The following SLC26A7 variants were observed in gnomAD, a reference collection of about 807,000 sequenced individuals.
SLC26A7 encodes anion exchange transporter.
A neutral mutation model predicts 82.5 loss-of-function variants in SLC26A7; 59 were observed. That is an observed-to-expected ratio of 0.72 (90% CI 0.58 to 0.89). The LOEUF (loss-of-function observed/expected upper bound fraction) is 0.89, where lower values mean the gene tolerates loss of function less well. Ranked by LOEUF, SLC26A7 falls within the 40% of genes least tolerant of loss-of-function variation. SLC26A7 has a pLI of 0.00. For synonymous variants in SLC26A7, 271 were observed against 274.3 expected, an observed-to-expected ratio of 0.99 and a Z score of 0.12; for missense variants, 820 against 793.0, an observed-to-expected ratio of 1.03 and a Z score of -0.41.
chr8:91,227,031 G>A (rs909897391), intron 2 of SLC26A7, among the ~76,000 whole-genome samples: 6 of 152,304 alleles, frequency 3.9e-5, no homozygotes, highest in African/African-American at 1.4e-4. Flanking sequence ...GTCAACTAAT[G>A]TTCTGAATCA....
chr8:91,354,864 A>C (rs1035856899), intron 11 of SLC26A7, among the ~76,000 whole-genome samples: 2 of 152,066 alleles, frequency 1.3e-5, no homozygotes, highest in Non-Finnish European at 2.9e-5. Context: ...AGATATAGAA[A>C]ATTCTATTAT....
At chr8:91,263,290 G>C (rs1811017466) in intron 2 of SLC26A7, among the ~76,000 whole-genome samples, 1 of 151,878 alleles carries the variant, frequency 6.6e-6, no homozygotes, top group Non-Finnish European at 1.5e-5. Context: ...CTGTTATAAT[G>C]GTTTTTTTTG....
chr8:91,275,550 T>C (rs923006793), intron 2 of SLC26A7, among the ~76,000 whole-genome samples: 8 of 152,182 alleles, frequency 5.3e-5, no homozygotes, highest in African/African-American at 1.9e-4. Context: ...TCCACCCTCC[T>C]TGGTCTCTCA....
At chr8:91,366,502 G>T (rs1814194411) in intron 13 of SLC26A7, 78 bp from the exon 14 acceptor site, 1 of 1,467,182 alleles carries the variant, frequency 6.8e-7, no homozygotes, top group East Asian at 2.3e-5. Context: ...TTATAAAATT[G>T]AGTGACATTT....
chr8:91,376,747 GA>G (rs1300518061), intron 15 of SLC26A7, among the ~76,000 whole-genome samples: 1 of 152,236 alleles, frequency 6.6e-6, no homozygotes, highest in Admixed American at 6.5e-5. Flanking sequence ...CTGATGAGTG[GA>G]AGCACTCAGT....
Position 91,239,375 on chromosome 8 carries a change from CAAA to C in SLC26A7, c.-33-10225_-33-10223del, listed in dbSNP as rs1219500630. Among the ~76,000 whole-genome samples the C allele has an allele frequency of 4.7e-3, 396 of 84,096 alleles. 2 individuals carry two copies. The highest frequency in any genetic ancestry group is 0.013 in the African/African-American group (255 of 19,306). The allele number at this position is 84,096 out of a possible 152,430, so 55.2% of individuals were successfully genotyped here. A position where few individuals can be genotyped will look rare whatever the true frequency, so the allele number is the denominator to read the frequency against. On this transcript the variant is annotated intron_variant, in intron 2 of 5. Coordinates refer to the SLC26A7 transcript ENST00000522862. Reference sequence around the variant, plus strand: ...TGGGCGACAGAGCGAGACTCCGTCTCAAAAAAAAAAAAAAAAAAAAATATATAT... The same window carrying C: ...TGGGCGACAGAGCGAGACTCCGTCTCAAAAAAAAAAAAAAAAAATATATAT...
intron 15 of SLC26A7, among the ~76,000 whole-genome samples, chr8:91,375,420 G>T (rs1371154115): frequency 6.6e-6 from 1 of 151,906 alleles, no homozygotes; most frequent in Non-Finnish European, 1.5e-5. Flanking sequence ...TTTCTTGTAG[G>T]GTTGGTCTGG....
chr8:91,305,295 A>T (rs1482519911), intron 4 of SLC26A7, among the ~76,000 whole-genome samples: 1 of 152,176 alleles, frequency 6.6e-6, no homozygotes, highest in Admixed American at 6.5e-5. Flanking sequence ...AAATTGTAAA[A>T]CAGTTCTTGA....
intron 9 of SLC26A7, among the ~76,000 whole-genome samples, chr8:91,346,459 C>T (rs1313323010): frequency 1.3e-5 from 2 of 152,088 alleles, no homozygotes; most frequent in African/African-American, 4.8e-5. Flanking sequence ...CCTTAAATGG[C>T]TCTGATTCTC....
At chr8:91,237,321 T>C (rs1810406355) in intron 2 of SLC26A7, among the ~76,000 whole-genome samples, 1 of 152,246 alleles carries the variant, frequency 6.6e-6, no homozygotes, top group Non-Finnish European at 1.5e-5. Context: ...TACGCTATAA[T>C]TTTTTCTTGT....
At chr8:91,360,379 G>A (rs1276170765) in intron 11 of SLC26A7, among the ~76,000 whole-genome samples, 1 of 152,072 alleles carries the variant, frequency 6.6e-6, no homozygotes, top group Non-Finnish European at 1.5e-5. Flanking sequence ...TAAAAAATAG[G>A]GGCCCGAGAG....
rs187567388 is a variant in SLC26A7, at chr8:91,381,944, T to A, written c.1676-7394T>A. On this transcript the variant is annotated intron_variant, in intron 15 of 18. Transcript: ENST00000276609. ...TTAATTATGTTTGAAATTAGTATTA[T>A]CTTCATATTGTTTTTTATCTTATGC... 3.9e-4 allele frequency among the ~76,000 whole-genome samples: 60 copies of A among 152,204 alleles called. 1 individual carries two copies. The highest frequency in any genetic ancestry group is 1.4e-3 in the African/African-American group (60 of 41,452).
chr8:91,248,784 TAGAGAAACCATC>T (rs1225994010), upstream of SLC26A7, among the ~76,000 whole-genome samples: 5 of 152,144 alleles, frequency 3.3e-5, no homozygotes, highest in South Asian at 2.1e-4. Flanking sequence ...TTATAGGACT[TAGAGAAACCATC>T]AGAGAAAACT....
intron 1 of SLC26A7, among the ~76,000 whole-genome samples, chr8:91,210,419 A>G (rs1393510080): frequency 6.6e-6 from 1 of 152,092 alleles, no homozygotes; most frequent in East Asian, 1.9e-4. Context: ...CTATCTTTGT[A>G]TATTTGAAAC....
chr8:91,315,717 A>T (rs1812610802), intron 4 of SLC26A7, among the ~76,000 whole-genome samples: 1 of 152,144 alleles, frequency 6.6e-6, no homozygotes, highest in Admixed American at 6.5e-5. Context: ...TCTTCATTAC[A>T]TTCTTTTAAG....
At chr8:91,300,648 C>G (rs1032328289) in intron 4 of SLC26A7, among the ~76,000 whole-genome samples, 1 of 152,168 alleles carries the variant, frequency 6.6e-6, no homozygotes, top group African/African-American at 2.4e-5. Context: ...CCGCCCGCCT[C>G]GGCCTCCCAA....
chr8:91,317,399 G>A (rs556108815), intron 4 of SLC26A7, among the ~76,000 whole-genome samples: 4 of 152,138 alleles, frequency 2.6e-5, no homozygotes, highest in South Asian at 4.2e-4. Context: ...TGTCTTTTGC[G>A]GTGCCACATA....
chr8:91,352,114 G>A (rs1198815893), intron 10 of SLC26A7, among the ~76,000 whole-genome samples: 1 of 151,852 alleles, frequency 6.6e-6, no homozygotes, highest in Non-Finnish European at 1.5e-5. Flanking sequence ...ACATAAGAAT[G>A]GTATTGTGGA....
At chr8:91,350,159 T>A (rs1395367117) in intron 9 of SLC26A7, among the ~76,000 whole-genome samples, 1 of 152,140 alleles carries the variant, frequency 6.6e-6, no homozygotes, top group East Asian at 1.9e-4. Context: ...GAGAACAGAC[T>A]CCCTCAGCCT....
Sources: gnomAD v4.1 joint callset for allele counts (sites outside exome capture counted in the v4.1 genomes callset) on GRCh38, gnomAD v4.1.1 for gene constraint, MANE v1.5 for transcripts, NCBI Gene and HGNC (gene_info 2026-07-23, HGNC 2026-07-21) for gene names.